Variants in METTL16 observed in about 807,000 individuals in gnomAD.
METTL16 encodes methyltransferase 16, RNA N6-adenosine.
METTL16 carries 19 observed loss-of-function variants against 57.9 expected under a neutral mutation model. The ratio of observed to expected loss-of-function variants is 0.33; its 90% CI spans 0.23 to 0.48. METTL16 has a LOEUF of 0.48. Among genes scored for constraint, METTL16 ranks in the 20% least tolerant of loss-of-function variants. The probability of loss-of-function intolerance (pLI) is 0.99; values close to 1 mark genes in which losing one functional copy is unlikely to be tolerated. For synonymous variants in METTL16, 246 were observed against 255.6 expected (o/e 0.96, Z 0.36); for missense variants, 434 against 691.5 (o/e 0.63, Z 4.18).
At chr17:2,463,237 ACTGAACCCAT>A (rs1173548435) in intron 6 of METTL16, among the ~76,000 whole-genome samples, 22 of 152,180 alleles carry the variant, frequency 1.4e-4, no homozygotes, top group African/African-American at 5.3e-4. Flanking sequence ...ATGGGACAGA[ACTGAACCCAT>A]CTGTTTTCTA....
intron 2 of METTL16, among the ~76,000 whole-genome samples, chr17:2,488,927 A>G (rs1239338823): frequency 2.6e-5 from 4 of 152,198 alleles, no homozygotes. Context: ...CTTATTGAAG[A>G]AAATGTCCAC....
At position 2,420,212 on chromosome 17, in the gene METTL16, A is replaced by G. The variant is rs1302015731; in HGVS notation, c.1447T>C (p.Ser483Pro). 6.2e-7 allele frequency: 1 copy of G among 1,614,152 alleles called. No homozygotes were observed. The highest frequency in any genetic ancestry group is 8.5e-7 in the Non-Finnish European group (1 of 1,180,014). ...TCTTGGTCCTGGGCTCCGTTGCTAG[A>G]GCCTTGACAACTTTCCAAAACCTCC... The part of the protein sequence containing the change: ...GVEVLESCQG[S>P]SNGAQDQEAS... The change falls in exon 10 of 10, where the codon TCT becomes CCT. Residue 483 changes from serine to proline, a missense_variant. Ser to Pro is a moderately conservative substitution (Grantham distance 74). Transcript: ENST00000263092. The surrounding 1 kb of genome is among the most constrained non-coding windows in gnomAD (Gnocchi z 5.4).
At chr17:2,457,165 C>T (rs998481095) in intron 6 of METTL16, among the ~76,000 whole-genome samples, 4 of 148,602 alleles carry the variant, frequency 2.7e-5, no homozygotes, top group African/African-American at 9.9e-5. Flanking sequence ...AACCCCGTCT[C>T]TACTAAAAAT....
intron 7 of METTL16, 55 bp downstream of exon 7, chr17:2,441,435 C>T (rs145671392): frequency 7.7e-7 from 1 of 1,293,922 alleles, no homozygotes; most frequent in Non-Finnish European, 1.1e-6. Flanking sequence ...TGTACTTGTG[C>T]CCCATGGATA....
At chr17:2,491,927 T>C (rs1157517513) in intron 2 of METTL16, among the ~76,000 whole-genome samples, 1 of 111,156 alleles carries the variant, frequency 9.0e-6, no homozygotes, top group Non-Finnish European at 1.9e-5. Context: ...TAAAAACAAA[T>C]AGGGCTGGGC....
intron 2 of METTL16, among the ~76,000 whole-genome samples, chr17:2,490,401 AGAC>A (rs1276977184): frequency 2.0e-5 from 3 of 152,290 alleles, no homozygotes; most frequent in East Asian, 3.9e-4. Flanking sequence ...ATGGGGGAGA[AGAC>A]GACGAATGAT....
In METTL16 at chr17:2,420,924, T is replaced by C. The variant is rs764800838; in HGVS notation, c.889-20A>G. 5.6e-6 allele frequency: 9 copies of C among 1,605,122 alleles called. No homozygotes were observed. Among genetic ancestry groups the C allele is most frequent in the African/African-American group, 5.4e-5 (4 of 74,122 alleles). ...TGGTGACTGCAAGAAAAAGGAAGCA[T>C]AGAAAAGAGAAGAAAGTTATCCGAA... On this transcript the variant is annotated intron_variant, in intron 8 of 9. Transcript: ENST00000263092. The surrounding 1 kb of genome is among the most constrained non-coding windows in gnomAD (Gnocchi z 5.4).
chr17:2,506,532 C>A (rs1191924601), intron 1 of METTL16, among the ~76,000 whole-genome samples: 1 of 150,658 alleles, frequency 6.6e-6, no homozygotes, highest in South Asian at 2.1e-4. Flanking sequence ...GAGTGATCCG[C>A]CAGCCTCGGC....
intron 5 of METTL16, among the ~76,000 whole-genome samples, chr17:2,465,463 C>T (rs961961348): frequency 8.3e-5 from 12 of 144,772 alleles, no homozygotes; most frequent in Non-Finnish European, 1.5e-5. Context: ...AGGAGAATCG[C>T]TTGAATCCAG....
intron 4 of METTL16, among the ~76,000 whole-genome samples, chr17:2,469,584 C>T (rs1479606495): frequency 2.6e-5 from 4 of 151,410 alleles, no homozygotes; most frequent in African/African-American, 4.9e-5. Flanking sequence ...AGTGCAGCGG[C>T]GAGATCTCCA....
Position 2,419,815 on chromosome 17 carries a change from C to A in METTL16, c.*155G>T. 2 of 882,424 alleles carry A rather than the reference C, an allele frequency of 2.3e-6. No homozygotes were observed. The highest frequency in any genetic ancestry group is 2.1e-5 in the Admixed American group (1 of 48,342). 54.7% of individuals were successfully genotyped at this position (882,424 alleles called of 1,614,324 possible). ...TGTAACTCAAAAAGCGGGAAGGAGG[C>A]GGGGGGAGGTGGGGGACAGATTCAT... is the stretch of plus-strand genomic sequence containing the variant. On this transcript the variant is annotated 3_prime_UTR_variant, in exon 10 of 10. Coordinates refer to ENST00000263092, the MANE Select transcript of METTL16 (RefSeq NM_024086.4).
At chr17:2,502,389 G>A in intron 1 of METTL16, 58 bp from the exon 2 acceptor site, 1 of 1,555,278 alleles carries the variant, frequency 6.4e-7, no homozygotes, top group Non-Finnish European at 8.8e-7. Context: ...CATTAATGGG[G>A]GCCGGGTGCG....
intron 6 of METTL16, among the ~76,000 whole-genome samples, chr17:2,452,136 C>CAA (rs1268908998): frequency 0.025 from 1,538 of 62,030 alleles, 40 homozygotes; most frequent in African/African-American, 0.056. Flanking sequence ...GCCCTTGTCT[C>CAA]AAAAAAAAAA....
Position 2,419,918 on chromosome 17 carries a change from G to C in METTL16, c.*52C>G. Reference sequence around the variant, plus strand: ...TAGGATTCCTCTTGCCACCCCACAGGCCACTCCAAAGCAAGTTACTATCAA... The same window carrying C: ...TAGGATTCCTCTTGCCACCCCACAGCCCACTCCAAAGCAAGTTACTATCAA... On this transcript the variant is annotated 3_prime_UTR_variant, in exon 10 of 10. Transcript: ENST00000263092. The C allele has an allele frequency of 6.3e-7, 1 of 1,596,050 alleles. No individual in the cohort carries two copies. The highest frequency in any genetic ancestry group is 8.6e-7 in the Non-Finnish European group (1 of 1,169,024).
chr17:2,477,607 G>T (rs2067277223), intron 3 of METTL16, 79 bp downstream of exon 3: 8 of 1,051,412 alleles, frequency 7.6e-6, no homozygotes, highest in Non-Finnish European at 1.2e-5. Flanking sequence ...CAAATACCCA[G>T]TAGAAAAGTT....
intron 4 of METTL16, among the ~76,000 whole-genome samples, chr17:2,471,656 G>T (rs2067236223): frequency 6.6e-6 from 1 of 152,086 alleles, no homozygotes; most frequent in Non-Finnish European, 1.5e-5. Flanking sequence ...AGGCACGGTG[G>T]CGGGCGCCTG....
At chr17:2,499,331 CTTTTTTTT>C (rs1004416909) in intron 2 of METTL16, among the ~76,000 whole-genome samples, 1 of 127,612 alleles carries the variant, frequency 7.8e-6, no homozygotes, top group Non-Finnish European at 1.7e-5. Flanking sequence ...AAAACTATAT[CTTTTTTTT>C]TTTTTTTTTT....
intron 2 of METTL16, among the ~76,000 whole-genome samples, chr17:2,486,651 A>T (rs1354813396): frequency 6.6e-6 from 1 of 152,030 alleles, no homozygotes; most frequent in Admixed American, 6.6e-5. Flanking sequence ...GGCTCTAATT[A>T]GGAAGCTACT....
At chr17:2,465,183 T>C (rs1009123660) in intron 5 of METTL16, among the ~76,000 whole-genome samples, 1 of 152,146 alleles carries the variant, frequency 6.6e-6, no homozygotes, top group African/African-American at 2.4e-5. Flanking sequence ...TCATCAGTCA[T>C]CAGGGAAATC....
Sources: gnomAD v4.1 joint callset for allele counts (sites outside exome capture counted in the v4.1 genomes callset) on GRCh38, gnomAD v4.1.1 for gene constraint, Gnocchi (gnomAD v3.1) non-coding constraint, MANE v1.5 for transcripts, NCBI Gene and HGNC (gene_info 2026-07-23, HGNC 2026-07-21) for gene names.